Variants in ITGAL observed in about 807,000 individuals in gnomAD.
The protein encoded by ITGAL is integrin subunit alpha L.
ITGAL carries 68 observed loss-of-function variants against 138.4 expected under a neutral mutation model. The ratio of observed to expected loss-of-function variants is 0.49; its 90% CI spans 0.40 to 0.60. The LOEUF (loss-of-function observed/expected upper bound fraction) is 0.60. ITGAL is among the 20% of genes least tolerant of loss of function. The probability of loss-of-function intolerance (pLI) is 0.00; values close to 1 mark genes in which losing one functional copy is unlikely to be tolerated. For missense variants in ITGAL, 1,256 were observed against 1,478.6 expected (o/e 0.85, Z 2.47); for synonymous variants, 561 against 584.3 (o/e 0.96, Z 0.57).
intron 15 of ITGAL, 51 bp from the exon 16 acceptor site, chr16:30,499,023 G>A (rs1233121314): frequency 1.3e-6 from 2 of 1,576,152 alleles, no homozygotes; most frequent in Non-Finnish European, 8.6e-7. Flanking sequence ...ATCTGAGGGG[G>A]GACGTGCAGT....
intron 28 of ITGAL, 77 bp from the exon 29 acceptor site, chr16:30,518,547 G>A (rs2051205160): frequency 1.1e-6 from 1 of 939,886 alleles, no homozygotes; most frequent in South Asian, 1.3e-5. Context: ...CCTCCCCACT[G>A]TGTTGTGGTG....
rs1415251168 is a variant in ITGAL, at chr16:30,510,436, A to G, written c.2584A>G (p.Asn862Asp). Residue 862 changes from asparagine (N) to aspartate (D), a missense_variant, in exon 22 of 31, where the codon AAT becomes GAT. By Grantham distance (23) the Asn-to-Asp change is conservative (BLOSUM62 1). Coordinates refer to ENST00000356798, the MANE Select transcript of ITGAL (RefSeq NM_002209.3). ...GCTTCTGTCCAGGGCATTATCTTGC[A>G]ATGTGAGCTCTCCCATCTTCAAAGC... ...SRLLSRALSC[N>D]VSSPIFKAGH... 6.2e-7 allele frequency: 1 copy of G among 1,612,532 alleles called. No homozygotes were observed. The highest frequency in any genetic ancestry group is 2.2e-5 in the East Asian group (1 of 44,874).
chr16:30,518,496 G>A lies in ITGAL; in HGVS notation c.3133-128G>A, dbSNP rs989789825. ...GAAAAGAATGCCACAATAGAGAGTTGTGTAGAGATGGGTGCACCCCCCTGG... is the reference window on the plus strand; with the variant it reads ...GAAAAGAATGCCACAATAGAGAGTTATGTAGAGATGGGTGCACCCCCCTGG... On this transcript the variant is annotated intron_variant, in intron 28 of 30. Transcript: ENST00000356798. 9 of 662,534 alleles carry A rather than the reference G, an allele frequency of 1.4e-5. No individual in the cohort carries two copies. The Admixed American group carries it at 2.1e-4, about 15-fold the overall frequency. The allele number at this position is 662,534 out of a possible 1,614,324, so 41.0% of individuals were successfully genotyped here.
In ITGAL at chr16:30,496,278, G is replaced by T; in HGVS notation, c.1685G>T (p.Ser562Ile). The T allele has an allele frequency of 1.2e-6, 2 of 1,600,692 alleles. No homozygotes were observed. Among genetic ancestry groups the T allele is most frequent in the Non-Finnish European group, 1.7e-6 (2 of 1,172,356 alleles). The part of the protein sequence containing the change: ...YIFNGRHGGL[S>I]PQPSQRIEGT... The stretch of plus-strand genomic sequence containing the variant: ...TTCAATGGGAGGCACGGGGGGCTTA[G>T]TCCCCAGCCAAGTCAGGTGACGTAT... Residue 562 changes from serine to isoleucine, a missense_variant, in exon 14 of 31, where the codon AGT becomes ATT. Physicochemically the swap from Ser to Ile is moderately radical, Grantham distance 142. Coordinates refer to ENST00000356798, the MANE Select transcript of ITGAL (RefSeq NM_002209.3).
At chr16:30,498,853 A>G in intron 15 of ITGAL, 1 of 499,492 alleles carries the variant, frequency 2.0e-6, no homozygotes, top group Non-Finnish European at 3.6e-6. Flanking sequence ...GTGAGCTGTT[A>G]TCATGCCACT....
In ITGAL at chr16:30,496,373, G is replaced by C; in HGVS notation, c.1702-63G>C. On this transcript the variant is annotated intron_variant, in intron 14 of 30. Transcript: ENST00000356798. ...AAGCCCAGACCCCACTCCCCAGCCCGATCCTTCCCTCCCTCCAACCTACCT... is the reference window on the plus strand; with the variant it reads ...AAGCCCAGACCCCACTCCCCAGCCCCATCCTTCCCTCCCTCCAACCTACCT... The C allele has an allele frequency of 1.9e-6, 3 of 1,612,002 alleles. No individual in the cohort carries two copies. In the South Asian group the frequency reaches 3.3e-5, roughly 18 times the overall value.
chr16:30,509,506 C>T (rs1355973582), intron 21 of ITGAL: 2 of 152,036 alleles, frequency 1.3e-5, no homozygotes, highest in Admixed American at 6.6e-5. Context: ...TTTACTGAGC[C>T]GTTGTTATCT....
intron 18 of ITGAL, chr16:30,505,018 T>TAAA (rs5816509): frequency 1.4e-3 from 348 of 249,330 alleles, no homozygotes; most frequent in South Asian, 3.9e-3. Context: ...AAGACAGTCT[T>TAAA]AAAAAAAAAA....
chr16:30,473,361 A>G (rs1457251355), intron 1 of ITGAL, among the ~76,000 whole-genome samples: 2 of 152,226 alleles, frequency 1.3e-5, no homozygotes, highest in Non-Finnish European at 2.9e-5. Context: ...TCATCCCATG[A>G]GGCAGAGGTT....
rs559164697 is a variant in ITGAL at position 30,509,762 on chromosome 16, G to A, written c.2509-599G>A. Among the ~76,000 whole-genome samples, 29 of 152,168 alleles carry A rather than the reference G, an allele frequency of 1.9e-4. No homozygotes were observed. The South Asian group carries it at 6.0e-3, about 32-fold the overall frequency. ...ATTTTAAAAAATTTTTTGTAGGCCAGGTACAGAGGCTTACACTTATAATCC... is the reference window on the plus strand; with the variant it reads ...ATTTTAAAAAATTTTTTGTAGGCCAAGTACAGAGGCTTACACTTATAATCC... On this transcript the variant is annotated intron_variant, in intron 21 of 30. Coordinates refer to ENST00000356798, the MANE Select transcript of ITGAL (RefSeq NM_002209.3).
Position 30,499,120 on chromosome 16 carries a change from G to A in ITGAL, c.1879G>A (p.Ala627Thr). 1 of 1,614,072 alleles carries A rather than the reference G, an allele frequency of 6.2e-7. No homozygotes were observed. Among genetic ancestry groups the A allele is most frequent in the African/African-American group, 1.3e-5 (1 of 75,004 alleles). The change falls in exon 16 of 31, where the codon GCT (alanine) becomes ACT (threonine). Residue 627 changes from alanine (A) to threonine (T), a missense_variant. Physicochemically the swap from Ala to Thr is moderately conservative, Grantham distance 58. Around this residue, in one of 3 missense-constraint regions of ITGAL, gnomAD observed 867 missense variants for 972.5 expected, o/e 0.89. Transcript: ENST00000356798. The stretch of plus-strand genomic sequence containing the variant: ...GGTCACCCTGATGTCCTTCTCTCCA[G>A]CTGAGATCCCAGTGCATGAAGTGGA... ...DMVTLMSFSP[A>T]EIPVHEVECS...
At chr16:30,516,085 GAATA>G (rs929124078) in intron 25 of ITGAL, among the ~76,000 whole-genome samples, 1 of 152,076 alleles carries the variant, frequency 6.6e-6, no homozygotes. Context: ...TTCGTTGAAT[GAATA>G]AATGATAGAA....
chr16:30,510,519 C>A, intron 22 of ITGAL, 48 bp downstream of exon 22: 2 of 1,099,664 alleles, frequency 1.8e-6, no homozygotes, highest in Middle Eastern at 2.0e-4. Flanking sequence ...GGGCCCTGAG[C>A]TGGTGGAGGG....
chr16:30,477,001 G>A (rs948169495), intron 4 of ITGAL, among the ~76,000 whole-genome samples: 17 of 152,120 alleles, frequency 1.1e-4, no homozygotes, highest in African/African-American at 4.1e-4. Flanking sequence ...TTTCACACAC[G>A]AGGAAACAGG....
chr16:30,484,549 A>G (rs2050611636), intron 9 of ITGAL, among the ~76,000 whole-genome samples: 4 of 152,112 alleles, frequency 2.6e-5, no homozygotes, highest in Non-Finnish European at 5.9e-5. Context: ...CAGAGGTTGC[A>G]GTGAGCCAAG....
chr16:30,499,018 A>T, intron 15 of ITGAL, 56 bp from the exon 16 acceptor site: 1 of 1,560,744 alleles, frequency 6.4e-7, no homozygotes, highest in Non-Finnish European at 8.7e-7. Flanking sequence ...CCCACATCTG[A>T]GGGGGGACGT....
chr16:30,518,613 C>A lies in ITGAL; in HGVS notation c.3133-11C>A. 6.2e-7 allele frequency: 1 copy of A among 1,603,554 alleles called. No individual in the cohort carries two copies. Among genetic ancestry groups the A allele is most frequent in the Non-Finnish European group, 8.5e-7 (1 of 1,170,450 alleles). Reference sequence around the variant, plus strand: ...TCTCCCGGGTTCTGACGCCTTTCCCCGCTCCCACAGGCCTCTTCCATGTTC... The same window carrying A: ...TCTCCCGGGTTCTGACGCCTTTCCCAGCTCCCACAGGCCTCTTCCATGTTC... On this transcript the variant is annotated splice_polypyrimidine_tract_variant and intron_variant, in intron 28 of 30. Transcript: ENST00000356798.
At chr16:30,496,382 C>T in intron 14 of ITGAL, 54 bp from the exon 15 acceptor site, 3 of 1,613,062 alleles carry the variant, frequency 1.9e-6, no homozygotes, top group East Asian at 2.2e-5. Context: ...CGATCCTTCC[C>T]TCCCTCCAAC....
chr16:30,500,599 G>A (rs185402266), intron 17 of ITGAL, among the ~76,000 whole-genome samples: 142 of 152,038 alleles, frequency 9.3e-4, no homozygotes, highest in African/African-American at 3.2e-3. Flanking sequence ...GTCCAGGCTG[G>A]AGTGGAGTGA....
Sources: gnomAD v4.1 joint callset for allele counts (sites outside exome capture counted in the v4.1 genomes callset) on GRCh38, gnomAD v4.1.1 for gene constraint, gnomAD v4.1.1 regional missense constraint, MANE v1.5 for transcripts, NCBI Gene and HGNC (gene_info 2026-07-23, HGNC 2026-07-21) for gene names.